The following OR9Q1 variants were observed in gnomAD, a reference collection of about 807,000 sequenced individuals.
The protein encoded by OR9Q1 is olfactory receptor 9Q1.
For missense variants in OR9Q1, 374 were observed against 378.8 expected (o/e 0.99, Z 0.11); for synonymous variants, 153 against 148.6 (o/e 1.03, Z -0.22).
intron 2 of OR9Q1, among the ~76,000 whole-genome samples, chr11:58,079,432 G>C (rs1448105537): frequency 6.6e-6 from 1 of 152,084 alleles, no homozygotes; most frequent in African/African-American, 2.4e-5. Context: ...TCATTAATCA[G>C]TAAATTGAAT....
intron 2 of OR9Q1, among the ~76,000 whole-genome samples, chr11:58,096,339 A>T (rs1590587508): frequency 6.6e-6 from 1 of 152,144 alleles, no homozygotes; most frequent in East Asian, 1.9e-4. Context: ...AGATTTCTGC[A>T]CTCCAGAAAA....
intron 2 of OR9Q1, among the ~76,000 whole-genome samples, chr11:58,079,977 C>T (rs751248130): frequency 2.0e-5 from 3 of 152,126 alleles, no homozygotes; most frequent in Non-Finnish European, 4.4e-5. Context: ...AGTTACGCAG[C>T]AAAGAGTAAT....
intron 1 of OR9Q1, among the ~76,000 whole-genome samples, chr11:58,025,782 C>T (rs575849887): frequency 7.2e-5 from 11 of 152,234 alleles, no homozygotes; most frequent in African/African-American, 2.6e-4. Context: ...TGAATGTAGC[C>T]TTAACCACTG....
At chr11:58,151,436 A>C (rs1854350626) in intron 2 of OR9Q1, among the ~76,000 whole-genome samples, 1 of 152,152 alleles carries the variant, frequency 6.6e-6, no homozygotes, top group South Asian at 2.1e-4. Flanking sequence ...ATTTGCTTTC[A>C]TAGTTTACTT....
chr11:58,035,466 T>C (rs1287251637), intron 1 of OR9Q1, among the ~76,000 whole-genome samples: 1 of 152,220 alleles, frequency 6.6e-6, no homozygotes, highest in Non-Finnish European at 1.5e-5. Context: ...GTCAACTCTT[T>C]TGAAGTAAGG....
chr11:58,083,707 G>A (rs12788641), intron 2 of OR9Q1, among the ~76,000 whole-genome samples: 4,435 of 151,316 alleles, frequency 0.029, 89 homozygotes, highest in Non-Finnish European at 0.047. Context: ...ACCATTTATC[G>A]AACAGGGAAT....
At chr11:58,061,294 T>A in intron 2 of OR9Q1, among the ~76,000 whole-genome samples, 1 of 152,170 alleles carries the variant, frequency 6.6e-6, no homozygotes, top group East Asian at 1.9e-4. Context: ...GGGAGCCAGC[T>A]TTTCTCCAAA....
intron 2 of OR9Q1, among the ~76,000 whole-genome samples, chr11:58,133,208 T>G (rs1306434067): frequency 6.6e-6 from 1 of 151,592 alleles, no homozygotes; most frequent in Non-Finnish European, 1.5e-5. Context: ...ATAAAATGGG[T>G]TTTTCTCTTT....
rs1402540813 is a variant in OR9Q1 at position 58,140,905 on chromosome 11, C to T, written c.-14-38526C>T. Among the ~76,000 whole-genome samples, 7 of 152,318 alleles carry T rather than the reference C, an allele frequency of 4.6e-5. No individual in the cohort carries two copies. In the South Asian group the frequency reaches 8.3e-4, roughly 18 times the overall value. Reference sequence around the variant, plus strand: ...TATGGCCATTTTCACGATACTGATTCTTCTTACCCATGAGCATGGAATGTT... The same window carrying T: ...TATGGCCATTTTCACGATACTGATTTTTCTTACCCATGAGCATGGAATGTT... On this transcript the variant is annotated intron_variant, in intron 2 of 2. Transcript: ENST00000335397.
chr11:58,154,149 G>A (rs575499478), intron 2 of OR9Q1, among the ~76,000 whole-genome samples: 32 of 150,482 alleles, frequency 2.1e-4, no homozygotes, highest in African/African-American at 6.3e-4. Context: ...TTGAGAAGGA[G>A]GAAGAGGAGA....
intron 2 of OR9Q1, among the ~76,000 whole-genome samples, chr11:58,123,344 C>T (rs931985572): frequency 6.6e-6 from 1 of 152,182 alleles, no homozygotes; most frequent in Non-Finnish European, 1.5e-5. Flanking sequence ...AATTTCAACA[C>T]CTTTCTCAGT....
chr11:58,092,602 A>G (rs1284223768), intron 2 of OR9Q1, among the ~76,000 whole-genome samples: 1 of 152,150 alleles, frequency 6.6e-6, no homozygotes, highest in Non-Finnish European at 1.5e-5. Context: ...CTAAGCCACA[A>G]TTATGCATTT....
chr11:58,123,944 C>G (rs1444096707), intron 2 of OR9Q1, among the ~76,000 whole-genome samples: 1 of 151,900 alleles, frequency 6.6e-6, no homozygotes, highest in Non-Finnish European at 1.5e-5. Flanking sequence ...CTTGATATAC[C>G]CTTGGAAAAC....
chr11:58,123,445 G>A (rs1854055956), intron 2 of OR9Q1, among the ~76,000 whole-genome samples: 1 of 152,116 alleles, frequency 6.6e-6, no homozygotes, highest in African/African-American at 2.4e-5. Flanking sequence ...ATTGTTCAAG[G>A]CTCCTGACCA....
At chr11:58,072,734 A>C (rs1853500227) in intron 2 of OR9Q1, 1 of 155,308 alleles carries the variant, frequency 6.4e-6, no homozygotes, top group Non-Finnish European at 1.5e-5. Context: ...ATGATAACTC[A>C]AGGAAACAGG....
At chr11:58,166,657 G>T (rs553149743) in intron 2 of OR9Q1, among the ~76,000 whole-genome samples, 2 of 152,266 alleles carry the variant, frequency 1.3e-5, no homozygotes, top group East Asian at 3.9e-4. Context: ...ATGGATTTGG[G>T]TTAATTTAGT....
intron 2 of OR9Q1, among the ~76,000 whole-genome samples, chr11:58,065,097 C>T (rs985937134): frequency 6.6e-6 from 1 of 152,126 alleles, no homozygotes; most frequent in East Asian, 1.9e-4. Flanking sequence ...TCTACAAACT[C>T]AGGCAGACAC....
chr11:58,159,272 T>C (rs1410027374), intron 2 of OR9Q1, among the ~76,000 whole-genome samples: 1 of 152,210 alleles, frequency 6.6e-6, no homozygotes, highest in Non-Finnish European at 1.5e-5. Context: ...GAGACTCAGA[T>C]CACATACCTC....
At chr11:58,033,849 A>G (rs1853067858) in intron 1 of OR9Q1, among the ~76,000 whole-genome samples, 1 of 152,186 alleles carries the variant, frequency 6.6e-6, no homozygotes, top group Admixed American at 6.5e-5. Context: ...TATATATTAG[A>G]TAAAGTAAAA....
Sources: allele counts gnomAD v4.1 joint callset (sites outside exome capture counted in the v4.1 genomes callset), GRCh38; gene constraint gnomAD v4.1.1; transcripts MANE v1.5; gene names NCBI Gene and HGNC (gene_info 2026-07-23, HGNC 2026-07-21).